The following B4GALNT3 variants were observed in gnomAD, a reference collection of about 807,000 sequenced individuals.
B4GALNT3 encodes the protein beta-1,4-N-acetylgalactosaminyltransferase 3.
B4GALNT3 carries 86 observed loss-of-function variants against 120.2 expected under a neutral mutation model. That is an observed-to-expected ratio of 0.72 (90% CI 0.60 to 0.86). B4GALNT3 has a LOEUF of 0.86. Ranked by LOEUF, B4GALNT3 falls within the 40% of genes least tolerant of loss-of-function variation. B4GALNT3 has a pLI of 0.00. For synonymous variants in B4GALNT3, 518 were observed against 510.4 expected, an observed-to-expected ratio of 1.01 and a Z score of -0.20; for missense variants, 1,167 against 1,298.9, an observed-to-expected ratio of 0.90 and a Z score of 1.56.
intron 1 of B4GALNT3, among the ~76,000 whole-genome samples, chr12:498,584 A>G (rs1946410722): frequency 6.6e-6 from 1 of 152,128 alleles, no homozygotes; most frequent in Admixed American, 6.6e-5. Context: ...GTATAAGATA[A>G]TGGTCTTGGG....
chr12:501,263 C>G (rs1311473748), intron 1 of B4GALNT3, among the ~76,000 whole-genome samples: 3 of 152,150 alleles, frequency 2.0e-5, no homozygotes, highest in Non-Finnish European at 4.4e-5. Flanking sequence ...AGGGTCTTTC[C>G]TCCATAAAAA....
intron 1 of B4GALNT3, among the ~76,000 whole-genome samples, chr12:481,359 T>C (rs1247379561): frequency 6.6e-6 from 1 of 152,234 alleles, no homozygotes; most frequent in Non-Finnish European, 1.5e-5. Flanking sequence ...GTTGCTTTCC[T>C]TTCCTTGGTG....
chr12:521,359 C>T (rs879706135), intron 1 of B4GALNT3, among the ~76,000 whole-genome samples: 1 of 152,194 alleles, frequency 6.6e-6, no homozygotes, highest in East Asian at 1.9e-4. Context: ...CAGAGACACA[C>T]TGAGGTGTCT....
intron 3 of B4GALNT3, among the ~76,000 whole-genome samples, chr12:537,639 C>T (rs1040100899): frequency 4.6e-5 from 7 of 152,150 alleles, no homozygotes; most frequent in East Asian, 1.9e-4. Context: ...GTAAATAAAT[C>T]GTTATGTCAA....
At chr12:541,860 C>A (rs1454216273) in intron 3 of B4GALNT3, among the ~76,000 whole-genome samples, 2 of 129,238 alleles carry the variant, frequency 1.5e-5, no homozygotes, top group African/African-American at 2.8e-5. Context: ...CACCCCCCCC[C>A]ACCCCCCGGC....
Position 553,733 on chromosome 12 carries a change from G to C in B4GALNT3, c.1810G>C (p.Glu604Gln), listed in dbSNP as rs752799620. 8.1e-6 allele frequency: 13 copies of C among 1,614,078 alleles called. No individual in the cohort carries two copies. The Admixed American group carries it at 2.0e-4, about 25-fold the overall frequency. ...GGCCGCAGGCCAGGAAGGACAAGTG[G>C]AGGGAGAGGAAGAGGGGGAAGAAGA... is the stretch of plus-strand genomic sequence containing the variant. ...VAAAGQEGQV[E>Q]GEEEGEEEEE... Residue 604 changes from glutamate (E) to glutamine (Q), a missense_variant, in exon 14 of 20, where the codon GAG (glutamate) becomes CAG (glutamine). Glu to Gln is a conservative substitution (Grantham distance 29, BLOSUM62 2). Around this residue, in one of 3 missense-constraint regions of B4GALNT3, gnomAD observed 983 missense variants for 1,102.5 expected, o/e 0.89. Coordinates refer to ENST00000266383, the MANE Select transcript of B4GALNT3 (RefSeq NM_173593.4).
chr12:561,468 G>A lies in B4GALNT3; in HGVS notation c.*17G>A. ...ACGCTGTAGCCGGAGGGTGTCCGCG[G>A]GGCCCAGCACTCCCCGCTCTGGACT... On this transcript the variant is annotated 3_prime_UTR_variant, in exon 20 of 20. Coordinates refer to ENST00000266383, the MANE Select transcript of B4GALNT3 (RefSeq NM_173593.4). 2 of 1,586,642 alleles carry A rather than the reference G, an allele frequency of 1.3e-6. No homozygotes were observed. The highest frequency in any genetic ancestry group is 2.2e-5 in the East Asian group (1 of 44,620).
In B4GALNT3 at chr12:460,074, G is replaced by A. The variant is rs898451944; in HGVS notation, c.-303G>A. ...TGAGGGCGGGCGCGCAGGGAGGGAG[G>A]GCGGCAGCGAGCCTGCGACGGGAGA... On this transcript the variant is annotated 5_prime_UTR_variant, in exon 1 of 20. Transcript: ENST00000266383. This position sits in a 1 kb window ranked among gnomAD's most constrained non-coding sequence, Gnocchi z 8.0. Among the ~76,000 whole-genome samples, 34 of 151,128 alleles carry A rather than the reference G, an allele frequency of 2.2e-4. No homozygotes were observed. The highest frequency in any genetic ancestry group is 7.7e-4 in the African/African-American group (32 of 41,300).
At chr12:484,438 C>T (rs749511112) in intron 1 of B4GALNT3, among the ~76,000 whole-genome samples, 15 of 152,178 alleles carry the variant, frequency 9.9e-5, no homozygotes, top group Non-Finnish European at 1.8e-4. Context: ...CAGTGGTTCT[C>T]GGCCTGGCTG....
At chr12:495,830 G>A (rs1361963998) in intron 1 of B4GALNT3, among the ~76,000 whole-genome samples, 1 of 152,160 alleles carries the variant, frequency 6.6e-6, no homozygotes, top group African/African-American at 2.4e-5. Flanking sequence ...TGTGTTGCAG[G>A]TAGTGTGAGG....
At chr12:489,480 TAAACC>T (rs1392364469) in intron 1 of B4GALNT3, among the ~76,000 whole-genome samples, 3 of 152,190 alleles carry the variant, frequency 2.0e-5, no homozygotes, top group African/African-American at 7.2e-5. Flanking sequence ...ATGGTCGAAA[TAAACC>T]AATTAAAAGA....
Position 556,604 on chromosome 12 carries a change from G to A in B4GALNT3, c.2118G>A (p.Gly706=). 1.2e-6 allele frequency: 2 copies of A among 1,614,056 alleles called. No homozygotes were observed. Among genetic ancestry groups the A allele is most frequent in the African/African-American group, 1.3e-5 (1 of 75,052 alleles). The change falls in exon 15 of 20, where the codon GGG becomes GGA. Residue 706 remains glycine, a synonymous_variant. Coordinates refer to ENST00000266383, the MANE Select transcript of B4GALNT3 (RefSeq NM_173593.4). The stretch of plus-strand genomic sequence containing the variant: ...AAAAGCGTCAGGACCAGCTACGTGG[G>A]GGTCGCTACCTCCTGGAGCTTGAAC... The part of the protein sequence containing the change: ...NVEKRQDQLR[G]GRYLLELELL...
chr12:516,520 G>A (rs548256082), intron 1 of B4GALNT3, among the ~76,000 whole-genome samples: 2 of 152,274 alleles, frequency 1.3e-5, no homozygotes, highest in East Asian at 1.9e-4. Flanking sequence ...AGACAAGGTC[G>A]GAGATTTAAT....
At chr12:465,534 A>G (rs566223819) in intron 1 of B4GALNT3, among the ~76,000 whole-genome samples, 79 of 151,430 alleles carry the variant, frequency 5.2e-4, no homozygotes, top group African/African-American at 1.8e-3. Context: ...TTTTTTAATC[A>G]TAAGCGTATT....
intron 1 of B4GALNT3, among the ~76,000 whole-genome samples, chr12:511,671 C>A: frequency 6.8e-6 from 1 of 146,172 alleles, no homozygotes; most frequent in Non-Finnish European, 1.5e-5. Context: ...TTCCACCTTC[C>A]GCCTTCCGCC....
intron 1 of B4GALNT3, among the ~76,000 whole-genome samples, chr12:517,907 A>C (rs1050479328): frequency 1.3e-5 from 2 of 152,250 alleles, no homozygotes; most frequent in African/African-American, 4.8e-5. Context: ...AATGAGAATT[A>C]ACCAGGCAGT....
intron 13 of B4GALNT3, chr12:552,912 C>T: frequency 1.9e-6 from 1 of 517,168 alleles, no homozygotes; most frequent in South Asian, 2.4e-5. Flanking sequence ...CTGGGTCCCT[C>T]AGGTGCTATG....
At chr12:465,575 A>G (rs1047212515) in intron 1 of B4GALNT3, among the ~76,000 whole-genome samples, 1 of 152,066 alleles carries the variant, frequency 6.6e-6, no homozygotes, top group African/African-American at 2.4e-5. Context: ...CGAGGAATGC[A>G]GTTTTTGACA....
At chr12:495,233 C>A (rs777347214) in intron 1 of B4GALNT3, among the ~76,000 whole-genome samples, 1 of 152,194 alleles carries the variant, frequency 6.6e-6, no homozygotes, top group Admixed American at 6.5e-5. Context: ...TATCTGACTT[C>A]AGAACCCATG....
Sources: allele counts gnomAD v4.1 joint callset (sites outside exome capture counted in the v4.1 genomes callset), GRCh38; gene constraint gnomAD v4.1.1; regional missense constraint gnomAD v4.1.1; non-coding constraint Gnocchi (gnomAD v3.1); transcripts MANE v1.5; gene names NCBI Gene and HGNC (gene_info 2026-07-23, HGNC 2026-07-21).